MYO7B: variants seen among roughly 807,000 people sequenced by gnomAD.
MYO7B encodes the protein myosin VIIB.
Under a neutral mutation model 259.7 loss-of-function variants are expected in MYO7B, and 212 were observed. The ratio of observed to expected loss-of-function variants is 0.82; its 90% CI spans 0.73 to 0.91. The LOEUF (loss-of-function observed/expected upper bound fraction) is 0.91, where lower values mean the gene tolerates loss of function less well. Ranked by LOEUF, MYO7B falls within the 40% of genes least tolerant of loss-of-function variation. The pLI is 0.00. For missense variants in MYO7B, 2,732 were observed against 2,813.5 expected (o/e 0.97, Z 0.66); for synonymous variants, 1,197 against 1,166.4 (o/e 1.03, Z -0.54).
At position 127,608,703 on chromosome 2, in the gene MYO7B, T is replaced by G. The variant is rs1429311998; in HGVS notation, c.2644-5T>G. On this transcript the variant is annotated splice_polypyrimidine_tract_variant and splice_region_variant and intron_variant, in intron 21 of 47. Transcript: ENST00000409816. ...CTGGGTAACCTTCCTCCACGGGGTA[T>G]GCAGGCGCCGCTGGTCATCCCGGCC... The G allele has an allele frequency of 6.2e-7, 1 of 1,609,572 alleles. No individual in the cohort carries two copies. Among genetic ancestry groups the G allele is most frequent in the Admixed American group, 1.7e-5 (1 of 59,860 alleles).
chr2:127,611,933 G>A lies in MYO7B; in HGVS notation c.3193-317G>A, dbSNP rs1680401174. Among the ~76,000 whole-genome samples, 1 of 152,150 alleles carries A rather than the reference G, an allele frequency of 6.6e-6. No homozygotes were observed. The highest frequency in any genetic ancestry group is 1.5e-5 in the Non-Finnish European group (1 of 68,024). On this transcript the variant is annotated intron_variant, in intron 24 of 47. Transcript: ENST00000409816. The surrounding 1 kb of genome is among the most constrained non-coding windows in gnomAD (Gnocchi z 5.4). ...CAGTCCCACCTCCCAGGGGTTTACT[G>A]GGGAGAGGCACAAGCTTTGGGATCA...
In MYO7B at chr2:127,609,056, C is replaced by G. The variant is rs959530845; in HGVS notation, c.2814+178C>G. Among the ~76,000 whole-genome samples the G allele has an allele frequency of 1.3e-5, 2 of 152,196 alleles. No individual in the cohort carries two copies. The highest frequency in any genetic ancestry group is 2.9e-5 in the Non-Finnish European group (2 of 68,014). On this transcript the variant is annotated intron_variant, in intron 22 of 47. Transcript: ENST00000409816. This position sits in a 1 kb window ranked among gnomAD's most constrained non-coding sequence, Gnocchi z 6.9. ...GCGTGCGTGGGTTCTGTGGTCAAAG[C>G]CTTCGAGTCAGGCAGGCTTCCCACC...
At position 127,566,716 on chromosome 2, in the gene MYO7B, A is replaced by G. The variant is rs753605212; in HGVS notation, c.359A>G (p.Gln120Arg). ...CCGCTCTACACCCTGGAGCAGGTAC[A>G]GCTCTACTACAGCCGCCATATGGGC... ...VLPLYTLEQV[Q>R]LYYSRHMGEL... Residue 120 changes from glutamine to arginine, a missense_variant, in exon 5 of 48, where the codon CAG becomes CGG. By Grantham distance (43) the Gln-to-Arg change is conservative. This residue lies in a region of MYO7B where 1,906 missense variants were observed against 2,026.4 expected (regional missense o/e 0.94). Coordinates refer to ENST00000409816, the MANE Select transcript of MYO7B (RefSeq NM_001393586.1). 27 of 1,611,786 alleles carry G rather than the reference A, an allele frequency of 1.7e-5. No individual in the cohort carries two copies. In the South Asian group the frequency reaches 2.1e-4, roughly 12 times the overall value.
chr2:127,629,936 G>C, intron 35 of MYO7B, 110 bp downstream of exon 35: 1 of 1,219,448 alleles, frequency 8.2e-7, no homozygotes, highest in Non-Finnish European at 1.1e-6. Flanking sequence ...CCACCTAGCA[G>C]AGGCCAGGAG....
intron 27 of MYO7B, 35 bp downstream of exon 27, chr2:127,620,501 G>T (rs763421534): frequency 6.9e-7 from 1 of 1,458,486 alleles, no homozygotes; most frequent in Admixed American, 1.9e-5. Context: ...CGGGCAGGGG[G>T]CAGGTTCTGG....
intron 1 of MYO7B, among the ~76,000 whole-genome samples, chr2:127,547,629 T>C (rs1693287229): frequency 6.6e-6 from 1 of 152,136 alleles, no homozygotes; most frequent in Non-Finnish European, 1.5e-5. Flanking sequence ...GGTCAACTTT[T>C]GCATCTTCTA....
Position 127,637,324 on chromosome 2 carries a change from G to T in MYO7B, c.6336G>T (p.Lys2112Asn), listed in dbSNP as rs762940154. The T allele has an allele frequency of 1.3e-6, 2 of 1,585,064 alleles. No homozygotes were observed. ...CCCCGTCCCCTGTCCAGGGCTATAAGATGGATGACCTGCTGACCTCATATG... is the reference window on the plus strand; with the variant it reads ...CCCCGTCCCCTGTCCAGGGCTATAATATGGATGACCTGCTGACCTCATATG... The part of the protein sequence containing the change: ...RLLCETSLGY[K>N]MDDLLTSYVQ... Residue 2112 changes from lysine to asparagine, a missense_variant, in exon 48 of 48, where the codon AAG (lysine) becomes AAT (asparagine). Lys to Asn is a moderately conservative substitution (Grantham distance 94). Coordinates refer to ENST00000409816, the MANE Select transcript of MYO7B (RefSeq NM_001393586.1).
chr2:127,573,356 T>A (rs1175279310), intron 6 of MYO7B, among the ~76,000 whole-genome samples: 4 of 152,238 alleles, frequency 2.6e-5, no homozygotes, highest in Non-Finnish European at 5.9e-5. Flanking sequence ...CAAAATATCT[T>A]TCTTACTGTG....
In MYO7B at chr2:127,636,735, A is replaced by G. The variant is rs146937631; in HGVS notation, c.6208-59A>G. On this transcript the variant is annotated intron_variant, in intron 46 of 47. Transcript: ENST00000409816. The surrounding 1 kb of genome is among the most constrained non-coding windows in gnomAD (Gnocchi z 4.5). Reference sequence around the variant, plus strand: ...GTGTCCTGCCTCTCTCCTGTCCCCTAACACACACAGAGCCCGTGCTCTGGA... The same window carrying G: ...GTGTCCTGCCTCTCTCCTGTCCCCTGACACACACAGAGCCCGTGCTCTGGA... 3.2e-4 allele frequency: 513 copies of G among 1,611,806 alleles called. 3 individuals are homozygous for G. The African/African-American group carries it at 6.2e-3, about 20-fold the overall frequency.
At chr2:127,588,154 T>A (rs1679373478) in intron 14 of MYO7B, among the ~76,000 whole-genome samples, 2 of 151,640 alleles carry the variant, frequency 1.3e-5, no homozygotes, top group African/African-American at 4.9e-5. Flanking sequence ...ATAAGGGGGT[T>A]TGGAGTGGGA....
At chr2:127,634,707 G>C in intron 42 of MYO7B, 24 bp downstream of exon 42, 1 of 1,596,502 alleles carries the variant, frequency 6.3e-7, no homozygotes. Flanking sequence ...TGTGGAGCTG[G>C]GGGAGGGCGT....
rs768466710 is a variant in MYO7B at position 127,629,838 on chromosome 2, G to A, written c.4806+12G>A. ...CGGCACAGCTGCTGGTAACTGGCAC[G>A]CTCCCCTGTCCTCAGCCTGGGTACC... On this transcript the variant is annotated intron_variant, in intron 35 of 47. Coordinates refer to ENST00000409816, the MANE Select transcript of MYO7B (RefSeq NM_001393586.1). 1.4e-5 allele frequency: 22 copies of A among 1,546,710 alleles called. No homozygotes were observed. The highest frequency in any genetic ancestry group is 1.6e-5 in the Non-Finnish European group (18 of 1,144,284).
Position 127,607,483 on chromosome 2 carries a change from G to A in MYO7B, c.2643+59G>A. The A allele has an allele frequency of 6.8e-7, 1 of 1,469,434 alleles. No homozygotes were observed. 91.0% of individuals were successfully genotyped at this position (1,469,434 alleles called of 1,614,324 possible). A position where few individuals can be genotyped will look rare whatever the true frequency, so the allele number is the denominator to read the frequency against. ...GCTGGCTGGGGCCCCAGTGGGTGAG[G>A]GCAAGAAGGAGTGAGCGGCTGTGTA... On this transcript the variant is annotated intron_variant, in intron 21 of 47. Transcript: ENST00000409816. This position sits in a 1 kb window ranked among gnomAD's most constrained non-coding sequence, Gnocchi z 4.4.
Position 127,565,237 on chromosome 2 carries a change from A to G in MYO7B, c.137A>G (p.His46Arg). ...VLVEDDEGKE[H>R]WIRAEDFGVL... ...AGTCTGCACCCATTGTTCCAGGAACACTGGATCCGAGCAGAGGACTTTGGT... is the reference window on the plus strand; with the variant it reads ...AGTCTGCACCCATTGTTCCAGGAACGCTGGATCCGAGCAGAGGACTTTGGT... The change falls in exon 4 of 48, where the codon CAC (histidine) becomes CGC (arginine). Residue 46 changes from histidine (H) to arginine (R), a missense_variant. His to Arg is a conservative substitution (Grantham distance 29). Around this residue, in one of 3 missense-constraint regions of MYO7B, gnomAD observed 1,906 missense variants for 2,026.4 expected, o/e 0.94. Coordinates refer to ENST00000409816, the MANE Select transcript of MYO7B (RefSeq NM_001393586.1). The G allele has an allele frequency of 6.2e-7, 1 of 1,613,538 alleles. No homozygotes were observed. Among genetic ancestry groups the G allele is most frequent in the East Asian group, 2.2e-5 (1 of 44,846 alleles).
At chr2:127,550,195 C>G (rs1277414085) in intron 1 of MYO7B, among the ~76,000 whole-genome samples, 2 of 152,100 alleles carry the variant, frequency 1.3e-5, no homozygotes, top group Non-Finnish European at 2.9e-5. Flanking sequence ...GGGAGATGTT[C>G]CCCATAAGGA....
At position 127,592,889 on chromosome 2, in the gene MYO7B, G is replaced by T. The variant is rs115012061; in HGVS notation, c.2088G>T (p.Thr696=). ...AGTCGGGCTTCCCCATCCGCTACAC[G>T]TTCGAGGAGTTCTCGCAGAGGTTCG... The part of the protein sequence containing the change: ...IRKSGFPIRY[T]FEEFSQRFGV... Residue 696 remains threonine (T), a synonymous_variant, in exon 17 of 48, where the codon ACG becomes ACT. Coordinates refer to ENST00000409816, the MANE Select transcript of MYO7B (RefSeq NM_001393586.1). 1,095 of 1,608,750 alleles carry T rather than the reference G, an allele frequency of 6.8e-4. 4 individuals are homozygous for T. The African/African-American group carries it at 0.012, about 17-fold the overall frequency.
At chr2:127,603,942 G>C (rs184849358) in intron 19 of MYO7B, among the ~76,000 whole-genome samples, 7 of 150,080 alleles carry the variant, frequency 4.7e-5, no homozygotes, top group African/African-American at 1.7e-4. Context: ...GACCAGCCTG[G>C]CCAATATGGT....
intron 12 of MYO7B, among the ~76,000 whole-genome samples, 153 bp from the exon 13 acceptor site, chr2:127,583,969 G>A (rs1343807697): frequency 6.6e-6 from 1 of 152,214 alleles, no homozygotes; most frequent in East Asian, 1.9e-4. Flanking sequence ...GTGCAGGAAT[G>A]AGTGTGCATC....
chr2:127,569,856 G>A lies in MYO7B; in HGVS notation c.538G>A (p.Gly180Ser), dbSNP rs1678514108. 1.2e-6 allele frequency: 2 copies of A among 1,613,458 alleles called. No individual in the cohort carries two copies. The highest frequency in any genetic ancestry group is 1.7e-6 in the Non-Finnish European group (2 of 1,179,670). Reference sequence around the variant, plus strand: ...CCTGCAGTTCCTGGCCACCATCAGTGGCCAGCATTCGTGGATTGAGCAGCA... The same window carrying A: ...CCTGCAGTTCCTGGCCACCATCAGTAGCCAGCATTCGTGGATTGAGCAGCA... ...LILQFLATIS[G>S]QHSWIEQQVL... Residue 180 changes from glycine (G) to serine (S), a missense_variant, in exon 6 of 48, where the codon GGC becomes AGC. Around this residue, in one of 3 missense-constraint regions of MYO7B, gnomAD observed 1,906 missense variants for 2,026.4 expected, o/e 0.94. Coordinates refer to ENST00000409816, the MANE Select transcript of MYO7B (RefSeq NM_001393586.1).
Sources: gnomAD v4.1 joint callset for allele counts (sites outside exome capture counted in the v4.1 genomes callset) on GRCh38, gnomAD v4.1.1 for gene constraint, gnomAD v4.1.1 regional missense constraint, Gnocchi (gnomAD v3.1) non-coding constraint, MANE v1.5 for transcripts, NCBI Gene and HGNC (gene_info 2026-07-23, HGNC 2026-07-21) for gene names.